Variants in CHCHD6 observed in about 807,000 individuals in gnomAD.
CHCHD6 encodes MICOS complex subunit MIC25.
Under a neutral mutation model 32.3 loss-of-function variants are expected in CHCHD6, and 28 were observed. The ratio of observed to expected loss-of-function variants is 0.87; its 90% CI spans 0.64 to 1.19. The LOEUF (loss-of-function observed/expected upper bound fraction) is 1.19. Ranked by LOEUF, CHCHD6 falls within the 50% of genes most tolerant of loss-of-function variation. The pLI, the probability that CHCHD6 is intolerant of heterozygous loss-of-function variation, is 0.00. For missense variants in CHCHD6, 333 were observed against 307.0 expected (o/e 1.08, Z -0.63); for synonymous variants, 122 against 117.5 (o/e 1.04, Z -0.25).
chr3:126,915,284 G>A (rs1177696104), intron 6 of CHCHD6, among the ~76,000 whole-genome samples: 1 of 152,246 alleles, frequency 6.6e-6, no homozygotes, highest in Non-Finnish European at 1.5e-5. Flanking sequence ...ACAGTCCTAA[G>A]TGCCAGCATT....
intron 5 of CHCHD6, among the ~76,000 whole-genome samples, chr3:126,870,009 C>T (rs915896902): frequency 6.6e-6 from 1 of 152,202 alleles, no homozygotes; most frequent in African/African-American, 2.4e-5. Flanking sequence ...GGCTTAGCTG[C>T]TGACTAGCAG....
intron 5 of CHCHD6, among the ~76,000 whole-genome samples, chr3:126,884,318 C>T (rs1197495864): frequency 1.3e-5 from 2 of 152,218 alleles, no homozygotes; most frequent in African/African-American, 2.4e-5. Flanking sequence ...GAGTCTTTTA[C>T]ACCCCTTACT....
At chr3:126,858,047 A>G (rs1205565433) in intron 5 of CHCHD6, among the ~76,000 whole-genome samples, 1 of 152,090 alleles carries the variant, frequency 6.6e-6, no homozygotes, top group Admixed American at 6.5e-5. Flanking sequence ...ATGAGGAGAG[A>G]GGCAAGTGCC....
intron 4 of CHCHD6, among the ~76,000 whole-genome samples, chr3:126,762,575 A>G (rs112444343): frequency 7.2e-5 from 11 of 152,220 alleles, no homozygotes; most frequent in African/African-American, 2.6e-4. Flanking sequence ...AGTGTTCTAC[A>G]TATGTCTATT....
At chr3:126,723,670 C>T (rs552940640) in intron 1 of CHCHD6, among the ~76,000 whole-genome samples, 4 of 151,992 alleles carry the variant, frequency 2.6e-5, no homozygotes, top group South Asian at 4.2e-4. Context: ...ATGTATATGC[C>T]GAAATTTTCT....
intron 5 of CHCHD6, among the ~76,000 whole-genome samples, chr3:126,885,195 C>T (rs930829481): frequency 1.3e-5 from 2 of 152,172 alleles, no homozygotes; most frequent in Non-Finnish European, 2.9e-5. Flanking sequence ...GCTGGCTGGT[C>T]CTTCCAGCTC....
chr3:126,815,640 C>A (rs1316638264), intron 4 of CHCHD6, among the ~76,000 whole-genome samples: 2 of 97,536 alleles, frequency 2.1e-5, no homozygotes, highest in East Asian at 3.7e-4. Context: ...CCTGTGGGTT[C>A]TTGCCCCCCC....
At chr3:126,767,314 G>A (rs1181543302) in intron 4 of CHCHD6, 4 of 1,065,806 alleles carry the variant, frequency 3.8e-6, no homozygotes, top group Non-Finnish European at 2.9e-6. Flanking sequence ...ACGCAAACAC[G>A]GAGCCCATTT....
At chr3:126,747,515 A>G (rs1410984848) in intron 4 of CHCHD6, among the ~76,000 whole-genome samples, 1 of 152,184 alleles carries the variant, frequency 6.6e-6, no homozygotes, top group Non-Finnish European at 1.5e-5. Flanking sequence ...AAAGGTGAAA[A>G]GCATTCATGG....
intron 4 of CHCHD6, among the ~76,000 whole-genome samples, chr3:126,827,180 A>G (rs1232006407): frequency 2.0e-5 from 3 of 152,258 alleles, no homozygotes; most frequent in Non-Finnish European, 4.4e-5. Flanking sequence ...AGCCATTTTA[A>G]GAAGGCTTGG....
At chr3:126,839,772 G>C (rs1576478152) in intron 4 of CHCHD6, among the ~76,000 whole-genome samples, 1 of 151,566 alleles carries the variant, frequency 6.6e-6, no homozygotes, top group East Asian at 1.9e-4. Flanking sequence ...TCGTTTCTTT[G>C]GTAATCTTAT....
At chr3:126,940,594 CAT>C (rs1176803379) in intron 6 of CHCHD6, among the ~76,000 whole-genome samples, 1 of 152,152 alleles carries the variant, frequency 6.6e-6, no homozygotes, top group East Asian at 1.9e-4. Context: ...CCAAAAAAAA[CAT>C]ATGCATACAG....
intron 4 of CHCHD6, among the ~76,000 whole-genome samples, chr3:126,771,381 T>G (rs1282972432): frequency 2.6e-5 from 4 of 151,726 alleles, no homozygotes; most frequent in Non-Finnish European, 5.9e-5. Flanking sequence ...ATTTTTTGTA[T>G]TTTAGTATAG....
chr3:126,748,737 C>T (rs1178019191), intron 4 of CHCHD6, among the ~76,000 whole-genome samples: 3 of 152,152 alleles, frequency 2.0e-5, no homozygotes, highest in African/African-American at 4.8e-5. Context: ...TTCTGTGAGC[C>T]TCTGTGCCTT....
chr3:126,814,219 C>T (rs557602947), intron 4 of CHCHD6, among the ~76,000 whole-genome samples: 16 of 152,254 alleles, frequency 1.1e-4, no homozygotes, highest in Non-Finnish European at 1.5e-4. Context: ...AAAGCGTTGG[C>T]GGTAACTCTT....
chr3:126,896,518 C>G (rs1391212528), intron 5 of CHCHD6, among the ~76,000 whole-genome samples: 1 of 152,186 alleles, frequency 6.6e-6, no homozygotes, highest in Non-Finnish European at 1.5e-5. Flanking sequence ...TCTCAGAGTT[C>G]CTTTCATCTT....
intron 6 of CHCHD6, among the ~76,000 whole-genome samples, chr3:126,941,818 T>C (rs2078564638): frequency 6.6e-6 from 1 of 152,194 alleles, no homozygotes; most frequent in Non-Finnish European, 1.5e-5. Flanking sequence ...CCATGCACCA[T>C]GGGCCTCCCA....
intron 6 of CHCHD6, among the ~76,000 whole-genome samples, chr3:126,917,522 C>G (rs1293828326): frequency 6.6e-6 from 1 of 152,074 alleles, no homozygotes; most frequent in Admixed American, 6.5e-5. Context: ...CGTTTCCTCA[C>G]CTACAAAACA....
At chr3:126,758,889 TCC>T (rs1457184503) in intron 4 of CHCHD6, among the ~76,000 whole-genome samples, 4 of 152,324 alleles carry the variant, frequency 2.6e-5, no homozygotes, top group African/African-American at 9.6e-5. Flanking sequence ...GAAGCTCATT[TCC>T]TTTTGACTGG....
Sources: gnomAD v4.1 joint callset for allele counts (sites outside exome capture counted in the v4.1 genomes callset) on GRCh38, gnomAD v4.1.1 for gene constraint, MANE v1.5 for transcripts, NCBI Gene and HGNC (gene_info 2026-07-23, HGNC 2026-07-21) for gene names.